The following AKT3 variants were observed in gnomAD, a reference collection of about 807,000 sequenced individuals.
AKT3 encodes the protein AKT serine/threonine kinase 3.
AKT3 carries 15 observed loss-of-function variants against 65.3 expected under a neutral mutation model. The observed-to-expected ratio is 0.23, with a 90% CI of 0.15 to 0.35. AKT3 has a LOEUF of 0.35. Ranked by LOEUF, AKT3 falls within the 10% of genes least tolerant of loss-of-function variation. The probability of loss-of-function intolerance (pLI) is 1.00; values close to 1 mark genes in which losing one functional copy is unlikely to be tolerated. For missense variants in AKT3, 243 were observed against 576.5 expected (o/e 0.42, Z 5.92); for synonymous variants, 206 against 183.8 (o/e 1.12, Z -0.98).
intron 3 of AKT3, among the ~76,000 whole-genome samples, chr1:243,693,294 A>ATATATATATATATAT (rs1684843970): frequency 4.3e-5 from 5 of 117,144 alleles, no homozygotes; most frequent in South Asian, 2.7e-4. Context: ...ATATATATAT[A>ATATATATATATATAT]ACATTTCCCA....
At chr1:243,539,741 T>A (rs1232792162) in intron 12 of AKT3, among the ~76,000 whole-genome samples, 1 of 152,168 alleles carries the variant, frequency 6.6e-6, no homozygotes, top group Non-Finnish European at 1.5e-5. Context: ...CAAATAACCC[T>A]TAAGAAGGAA....
chr1:243,724,783 A>T (rs1177850787), intron 2 of AKT3, among the ~76,000 whole-genome samples: 1 of 152,224 alleles, frequency 6.6e-6, no homozygotes, highest in Non-Finnish European at 1.5e-5. Flanking sequence ...AACTAAAATC[A>T]TTCTTAAATC....
intron 8 of AKT3, among the ~76,000 whole-genome samples, chr1:243,579,265 A>G (rs1675165050): frequency 6.6e-6 from 1 of 152,194 alleles, no homozygotes; most frequent in South Asian, 2.1e-4. Context: ...GAAGGTAGAT[A>G]TGGGAATCAT....
chr1:243,568,030 A>C (rs1419333595), intron 9 of AKT3, among the ~76,000 whole-genome samples: 1 of 152,234 alleles, frequency 6.6e-6, no homozygotes, highest in African/African-American at 2.4e-5. Context: ...TAATGTAAGT[A>C]GTATTTACAT....
chr1:243,556,440 T>C (rs561654730), intron 10 of AKT3, among the ~76,000 whole-genome samples: 1 of 152,110 alleles, frequency 6.6e-6, no homozygotes, highest in South Asian at 2.1e-4. Context: ...CCAGGAGGAT[T>C]TACTAGGAGG....
intron 8 of AKT3, among the ~76,000 whole-genome samples, chr1:243,602,111 A>G (rs966331295): frequency 1.4e-4 from 22 of 152,232 alleles, no homozygotes; most frequent in African/African-American, 5.3e-4. Flanking sequence ...AGCATGTTAC[A>G]TGTTGAGGCT....
chr1:243,826,603 C>T (rs895081987), intron 2 of AKT3, among the ~76,000 whole-genome samples: 3 of 152,216 alleles, frequency 2.0e-5, no homozygotes, highest in Admixed American at 6.5e-5. Flanking sequence ...TTACTACAGC[C>T]ATCTTGAAAC....
At chr1:243,507,798 G>A (rs886566018) in intron 13 of AKT3, among the ~76,000 whole-genome samples, 2 of 152,266 alleles carry the variant, frequency 1.3e-5, no homozygotes, top group Non-Finnish European at 2.9e-5. Context: ...CAGTAAAAGC[G>A]ACCAGATCTC....
intron 1 of AKT3, among the ~76,000 whole-genome samples, chr1:243,849,264 T>C (rs1295140175): frequency 6.6e-6 from 1 of 152,118 alleles, no homozygotes; most frequent in African/African-American, 2.4e-5. Flanking sequence ...ACAGCATCAC[T>C]GGATCAGCCA....
intron 6 of AKT3, among the ~76,000 whole-genome samples, chr1:243,615,571 T>G (rs1046457712): frequency 3.9e-5 from 6 of 152,156 alleles, no homozygotes; most frequent in Admixed American, 3.9e-4. Flanking sequence ...AAAGGATATA[T>G]TTCCCAATAA....
chr1:243,733,494 C>T (rs561721575), intron 2 of AKT3, among the ~76,000 whole-genome samples: 5 of 152,122 alleles, frequency 3.3e-5, no homozygotes, highest in African/African-American at 1.2e-4. Context: ...ACATTGCACA[C>T]GGACAGAGCA....
chr1:243,593,498 C>A (rs1170629851), intron 8 of AKT3, among the ~76,000 whole-genome samples: 1 of 152,140 alleles, frequency 6.6e-6, no homozygotes, highest in East Asian at 1.9e-4. Flanking sequence ...AGCAATCTAG[C>A]TAACATAGTG....
intron 12 of AKT3, among the ~76,000 whole-genome samples, chr1:243,542,877 G>A (rs1672412248): frequency 6.6e-6 from 1 of 152,052 alleles, no homozygotes; most frequent in Non-Finnish European, 1.5e-5. Context: ...AAGTATATAT[G>A]GGGCGGCAGA....
intron 3 of AKT3, among the ~76,000 whole-genome samples, chr1:243,694,024 G>T (rs1039851869): frequency 2.0e-4 from 30 of 152,158 alleles, no homozygotes; most frequent in African/African-American, 7.0e-4. Context: ...TCTGCCAGTG[G>T]AAGTGTTGGA....
intron 2 of AKT3, among the ~76,000 whole-genome samples, chr1:243,835,416 A>C (rs1299958242): frequency 6.6e-6 from 1 of 152,202 alleles, no homozygotes; most frequent in East Asian, 1.9e-4. Context: ...TCTGTATACC[A>C]AACCCCTACA....
chr1:243,801,643 T>C (rs74672242), intron 2 of AKT3, among the ~76,000 whole-genome samples: 3,950 of 152,264 alleles, frequency 0.026, 164 homozygotes, highest in African/African-American at 0.09. Context: ...GAAGAGCTAC[T>C]TAGAAATAAA....
At chr1:243,675,657 C>T (rs1396899049) in intron 3 of AKT3, among the ~76,000 whole-genome samples, 1 of 152,228 alleles carries the variant, frequency 6.6e-6, no homozygotes, top group Non-Finnish European at 1.5e-5. Context: ...ATTCTGGTTT[C>T]CACCACTCTA....
At chr1:243,533,463 G>A (rs1321487719) in intron 12 of AKT3, among the ~76,000 whole-genome samples, 2 of 152,172 alleles carry the variant, frequency 1.3e-5, no homozygotes, top group Admixed American at 1.3e-4. Flanking sequence ...TATGGCAATT[G>A]TACTATCTGT....
intron 3 of AKT3, among the ~76,000 whole-genome samples, chr1:243,666,154 C>A (rs796950039): frequency 6.6e-6 from 1 of 152,196 alleles, no homozygotes; most frequent in South Asian, 2.1e-4. Flanking sequence ...CAGGCGTGCA[C>A]CACCATGCCC....
Sources: allele counts gnomAD v4.1 joint callset (sites outside exome capture counted in the v4.1 genomes callset), GRCh38; gene constraint gnomAD v4.1.1; transcripts MANE v1.5; gene names NCBI Gene and HGNC (gene_info 2026-07-23, HGNC 2026-07-21).